The following KLRG1 variants were observed in gnomAD, a reference collection of about 807,000 sequenced individuals.
KLRG1 encodes the protein killer cell lectin like receptor G1, also known as killer cell lectin-like receptor subfamily G member 1.
KLRG1 carries 16 observed loss-of-function variants against 21.8 expected under a neutral mutation model. The observed-to-expected ratio is 0.73, with a 90% CI of 0.50 to 1.11. KLRG1 has a LOEUF of 1.11. Among genes scored for constraint, KLRG1 ranks in the 50% most tolerant of loss-of-function variants. The pLI is 0.00. For missense variants in KLRG1, 173 were observed against 218.3 expected (o/e 0.79, Z 1.31); for synonymous variants, 69 against 75.9 (o/e 0.91, Z 0.47).
At chr12:9,080,011 AT>A in the KLRG1 span, 1 of 1,014,680 alleles carries the variant, frequency 9.9e-7, no homozygotes, top group South Asian at 2.2e-5. Flanking sequence ...TTATAGTATT[AT>A]TTTTAGTAAA....
At chr12:8,960,564 G>A (rs1946365740) in intron 1 of KLRG1, among the ~76,000 whole-genome samples, 1 of 152,124 alleles carries the variant, frequency 6.6e-6, no homozygotes, top group African/African-American at 2.4e-5. Context: ...CTTACATAAA[G>A]CCCTGATAAA....
the KLRG1 span, chr12:9,027,759 A>G: frequency 1.4e-6 from 2 of 1,386,470 alleles, no homozygotes; most frequent in South Asian, 1.2e-5. Context: ...CAAATCCATT[A>G]TAGCCATCCC....
At chr12:9,203,181 C>T in the KLRG1 span, among the ~76,000 whole-genome samples, 1 of 152,090 alleles carries the variant, frequency 6.6e-6, no homozygotes, top group Non-Finnish European at 1.5e-5. Context: ...AACTAGAAAA[C>T]TCCTCTAAGT....
At chr12:9,197,766 A>G in the KLRG1 span, among the ~76,000 whole-genome samples, 1 of 89,848 alleles carries the variant, frequency 1.1e-5, no homozygotes, top group Non-Finnish European at 1.9e-5. Flanking sequence ...ATAATTATAT[A>G]TTATACAATA....
intron 4 of KLRG1, 94 bp from the exon 5 acceptor site, chr12:9,009,332 A>T (rs1230141836): frequency 2.7e-6 from 4 of 1,492,886 alleles, no homozygotes; most frequent in African/African-American, 2.8e-5. Context: ...CTGAATAGGG[A>T]GACAGAATTT....
At chr12:8,977,946 C>T (rs1404204285) in intron 1 of KLRG1, among the ~76,000 whole-genome samples, 2 of 152,102 alleles carry the variant, frequency 1.3e-5, no homozygotes, top group African/African-American at 4.8e-5. Flanking sequence ...GCAGCCTCTG[C>T]CTCCTGGGTT....
chr12:9,112,409 G>T, the KLRG1 span: 1 of 1,613,726 alleles, frequency 6.2e-7, no homozygotes, highest in African/African-American at 1.3e-5. Flanking sequence ...TGATTTGTCT[G>T]TCTGGACAAA....
the KLRG1 span, chr12:9,067,855 GA>G: frequency 1.1e-5 from 17 of 1,610,084 alleles, no homozygotes; most frequent in Admixed American, 1.3e-4. Context: ...ACATTGGAAA[GA>G]AAAAAAATTA....
chr12:9,091,993 A>G, the KLRG1 span, among the ~76,000 whole-genome samples: 449 of 152,362 alleles, frequency 2.9e-3, 2 homozygotes, highest in Non-Finnish European at 4.2e-3. Context: ...TGCGTTTGAA[A>G]GAAGTACTTC....
At chr12:9,005,270 T>C (rs1227987996) in intron 3 of KLRG1, among the ~76,000 whole-genome samples, 1 of 152,098 alleles carries the variant, frequency 6.6e-6, no homozygotes, top group Non-Finnish European at 1.5e-5. Flanking sequence ...AGTTGATGGG[T>C]GCAGTAATCC....
intron 3 of KLRG1, among the ~76,000 whole-genome samples, chr12:9,001,755 T>G (rs770213631): frequency 6.6e-6 from 1 of 152,124 alleles, no homozygotes; most frequent in South Asian, 2.1e-4. Context: ...TGATTTGGGG[T>G]CCTCCCTTGT....
the KLRG1 span, chr12:9,157,678 T>C: frequency 8.5e-7 from 1 of 1,180,776 alleles, no homozygotes; most frequent in Non-Finnish European, 1.2e-6. Context: ...AACCAAAAGA[T>C]ACTTGAGACT....
chr12:9,061,920 C>G, the KLRG1 span, among the ~76,000 whole-genome samples: 3 of 151,978 alleles, frequency 2.0e-5, no homozygotes, highest in Non-Finnish European at 4.4e-5. Context: ...ACCAACCCCC[C>G]AAAATATGGT....
At chr12:9,041,289 C>T in the KLRG1 span, among the ~76,000 whole-genome samples, 14 of 152,180 alleles carry the variant, frequency 9.2e-5, no homozygotes, top group Non-Finnish European at 1.6e-4. Context: ...AAGCTGAGAT[C>T]GCGCCTCTGC....
At chr12:9,192,066 T>C in the KLRG1 span, 1 of 755,546 alleles carries the variant, frequency 1.3e-6, no homozygotes, top group Non-Finnish European at 2.3e-6. Flanking sequence ...ATAAGACGAG[T>C]ATTTTCCTGC....
chr12:9,030,494 C>T, the KLRG1 span, among the ~76,000 whole-genome samples: 3 of 152,030 alleles, frequency 2.0e-5, no homozygotes, highest in African/African-American at 7.2e-5. Flanking sequence ...GCAATCTCTA[C>T]CTCCCGGATT....
chr12:9,182,171 T>TAAGTGAGAC, the KLRG1 span: 3 of 1,542,816 alleles, frequency 1.9e-6, no homozygotes, highest in South Asian at 1.2e-5. Flanking sequence ...AAAAAGGTCA[T>TAAGTGAGAC]AAAAATAGTG....
At chr12:9,158,638 T>G in the KLRG1 span, 1 of 1,534,562 alleles carries the variant, frequency 6.5e-7, no homozygotes, top group Non-Finnish European at 8.9e-7. Context: ...TGCTCTGTTT[T>G]GTACACACAG....
chr12:9,145,998 G>A, the KLRG1 span, among the ~76,000 whole-genome samples: 2 of 152,108 alleles, frequency 1.3e-5, no homozygotes, highest in African/African-American at 4.8e-5. Flanking sequence ...TAATGATTAT[G>A]TATTTTTATG....
Sources: allele counts gnomAD v4.1 joint callset (sites outside exome capture counted in the v4.1 genomes callset), GRCh38; gene constraint gnomAD v4.1.1; transcripts MANE v1.5; gene names NCBI Gene and HGNC (gene_info 2026-07-23, HGNC 2026-07-21).